Variants in GRIA4 observed in about 807,000 individuals in gnomAD.
GRIA4 encodes the protein glutamate ionotropic receptor AMPA type subunit 4.
GRIA4 carries 34 observed loss-of-function variants against 104.0 expected under a neutral mutation model. That is an observed-to-expected ratio of 0.33 (90% CI 0.25 to 0.44). The LOEUF (loss-of-function observed/expected upper bound fraction) is 0.44. Among genes scored for constraint, GRIA4 ranks in the 20% least tolerant of loss-of-function variants. The pLI is 1.00. For synonymous variants in GRIA4, 386 were observed against 381.9 expected, an observed-to-expected ratio of 1.01 and a Z score of -0.13; for missense variants, 750 against 1,096.5, an observed-to-expected ratio of 0.68 and a Z score of 4.46.
At chr11:105,932,287 C>T (rs560449530) in intron 13 of GRIA4, among the ~76,000 whole-genome samples, 5 of 152,112 alleles carry the variant, frequency 3.3e-5, no homozygotes, top group Non-Finnish European at 5.9e-5. Flanking sequence ...TACAGGCATG[C>T]GCTGCTATGC....
chr11:105,767,610 G>T (rs1343666311), intron 4 of GRIA4, among the ~76,000 whole-genome samples: 1 of 152,080 alleles, frequency 6.6e-6, no homozygotes, highest in Non-Finnish European at 1.5e-5. Flanking sequence ...TTGCTTTTAA[G>T]TAATATCTGA....
At chr11:105,676,717 T>C (rs1952549763) in intron 3 of GRIA4, among the ~76,000 whole-genome samples, 1 of 151,644 alleles carries the variant, frequency 6.6e-6, no homozygotes, top group African/African-American at 2.4e-5. Flanking sequence ...AAATCAATAG[T>C]GAAAACAAAG....
intron 16 of GRIA4, among the ~76,000 whole-genome samples, chr11:105,978,158 A>G (rs1320419704): frequency 6.6e-6 from 1 of 152,088 alleles, no homozygotes; most frequent in Non-Finnish European, 1.5e-5. Context: ...GATAAAAAGT[A>G]TCTTCCTATA....
chr11:105,866,534 T>G (rs1446473120), intron 5 of GRIA4, among the ~76,000 whole-genome samples: 1 of 40,344 alleles, frequency 2.5e-5, no homozygotes, highest in African/African-American at 1.2e-4. Flanking sequence ...TATATACGCA[T>G]ATGTGTGTGT....
In GRIA4 at chr11:105,981,916, C is replaced by G. The variant is rs976971899; in HGVS notation, c.*2177C>G. ...GGTGCCCTTTTTCATGTCTTTCCCC[C>G]ATCACGGCACTTACCATACTGCGTT... On this transcript the variant is annotated 3_prime_UTR_variant, in exon 17 of 17. Coordinates refer to ENST00000282499, the MANE Select transcript of GRIA4 (RefSeq NM_000829.4). 6.6e-6 allele frequency: 1 copy of G among 152,600 alleles called. No individual in the cohort carries two copies. The highest frequency in any genetic ancestry group is 1.5e-5 in the Non-Finnish European group (1 of 68,108). 9.5% of individuals were successfully genotyped at this position (152,600 alleles called of 1,614,324 possible).
intron 5 of GRIA4, among the ~76,000 whole-genome samples, chr11:105,886,132 T>C (rs537300626): frequency 6.6e-6 from 1 of 152,334 alleles, no homozygotes; most frequent in East Asian, 1.9e-4. Context: ...ATTTCACCAA[T>C]AGCCATGTAT....
At chr11:105,974,275 T>C in intron 15 of GRIA4, 35 bp from the exon 16 acceptor site, 1 of 1,597,336 alleles carries the variant, frequency 6.3e-7, no homozygotes. Flanking sequence ...ATGTGACATT[T>C]CCACAGTTAA....
At chr11:105,794,516 T>TAC (rs1942395205) in intron 4 of GRIA4, among the ~76,000 whole-genome samples, 18 of 122,436 alleles carry the variant, frequency 1.5e-4, no homozygotes, top group African/African-American at 4.8e-4. Flanking sequence ...TATATATACA[T>TAC]ATACACACAC....
chr11:105,948,595 G>GTTTTTTTTTTTTTTTTTT (rs3060323), intron 14 of GRIA4, among the ~76,000 whole-genome samples: 5 of 87,868 alleles, frequency 5.7e-5, no homozygotes, highest in Non-Finnish European at 6.3e-5. Flanking sequence ...TTTTCTTTTT[G>GTTTTTTTTTTTTTTTTTT]TTTTTTTTTT....
At chr11:105,967,316 C>T (rs1439105626) in intron 14 of GRIA4, among the ~76,000 whole-genome samples, 1 of 152,004 alleles carries the variant, frequency 6.6e-6, no homozygotes, top group East Asian at 1.9e-4. Context: ...ATAACAGAAA[C>T]ATATATATGT....
intron 4 of GRIA4, among the ~76,000 whole-genome samples, chr11:105,778,822 A>G (rs1941577113): frequency 6.6e-6 from 1 of 151,880 alleles, no homozygotes; most frequent in Admixed American, 6.6e-5. Flanking sequence ...TTTAGGGTAC[A>G]TGCGCACAAC....
intron 14 of GRIA4, among the ~76,000 whole-genome samples, chr11:105,938,457 G>A (rs1416625691): frequency 2.0e-5 from 3 of 152,172 alleles, no homozygotes; most frequent in African/African-American, 7.2e-5. Context: ...GGCCTCAAAT[G>A]AAGAAACTTT....
At chr11:105,891,829 G>A (rs1003294924) in intron 6 of GRIA4, among the ~76,000 whole-genome samples, 2 of 152,098 alleles carry the variant, frequency 1.3e-5, no homozygotes, top group Non-Finnish European at 2.9e-5. Flanking sequence ...ATAAAACACT[G>A]CAAGCTCACT....
At chr11:105,913,100 T>C in intron 10 of GRIA4, 1 of 752,802 alleles carries the variant, frequency 1.3e-6, no homozygotes, top group Non-Finnish European at 1.6e-6. Context: ...TAAAATTGAT[T>C]GAGAAATTCA....
At chr11:105,830,737 C>G (rs545275116) in intron 4 of GRIA4, among the ~76,000 whole-genome samples, 31 of 152,134 alleles carry the variant, frequency 2.0e-4, no homozygotes, top group Non-Finnish European at 3.5e-4. Context: ...AGGCAGAAGC[C>G]TGGCTTAAGA....
intron 3 of GRIA4, among the ~76,000 whole-genome samples, chr11:105,674,057 A>G (rs992289979): frequency 2.0e-5 from 3 of 152,062 alleles, no homozygotes; most frequent in African/African-American, 4.8e-5. Flanking sequence ...TTGCATATCA[A>G]GTAGAACTTG....
intron 3 of GRIA4, chr11:105,707,068 A>T (rs1399732143): frequency 2.0e-5 from 3 of 152,318 alleles, no homozygotes; most frequent in Non-Finnish European, 4.4e-5. Flanking sequence ...ATTACTGAAG[A>T]TGATTATGGA....
At chr11:105,812,403 TATC>T in intron 4 of GRIA4, among the ~76,000 whole-genome samples, 1 of 152,208 alleles carries the variant, frequency 6.6e-6, no homozygotes, top group South Asian at 2.1e-4. Context: ...TCTAGTGTGA[TATC>T]ATAGTGGTCC....
At chr11:105,619,031 T>C (rs1950671500) in intron 3 of GRIA4, among the ~76,000 whole-genome samples, 1 of 151,514 alleles carries the variant, frequency 6.6e-6, no homozygotes, top group South Asian at 2.1e-4. Flanking sequence ...ATCTTCAACA[T>C]AGGTTTTTCC....
Sources: allele counts gnomAD v4.1 joint callset (sites outside exome capture counted in the v4.1 genomes callset), GRCh38; gene constraint gnomAD v4.1.1; transcripts MANE v1.5; gene names NCBI Gene and HGNC (gene_info 2026-07-23, HGNC 2026-07-21).